The following MTUS1 variants were observed in gnomAD, a reference collection of about 807,000 sequenced individuals.
MTUS1 encodes microtubule-associated tumor suppressor 1.
A neutral mutation model predicts 120.8 loss-of-function variants in MTUS1; 109 were observed. The ratio of observed to expected loss-of-function variants is 0.90; its 90% CI spans 0.77 to 1.06. The LOEUF (loss-of-function observed/expected upper bound fraction) is 1.06. MTUS1 is among the 50% of genes least tolerant of loss of function. The probability of loss-of-function intolerance (pLI) is 0.00; values close to 1 mark genes in which losing one functional copy is unlikely to be tolerated. For missense variants in MTUS1, 2,210 were observed against 1,486.3 expected, an observed-to-expected ratio of 1.49 and a Z score of -8.01; for synonymous variants, 737 against 550.5, an observed-to-expected ratio of 1.34 and a Z score of -4.74.
chr8:17,732,668 G>C (rs1172898854), intron 3 of MTUS1, among the ~76,000 whole-genome samples: 1 of 152,048 alleles, frequency 6.6e-6, no homozygotes, highest in Non-Finnish European at 1.5e-5. Context: ...CTATGTAACT[G>C]AGTTTCAGAT....
chr8:17,644,202 G>A lies in MTUS1; in HGVS notation c.*1724C>T, dbSNP rs1805375082. 1 of 152,356 alleles carries A rather than the reference G, an allele frequency of 6.6e-6. No individual in the cohort carries two copies. The highest frequency in any genetic ancestry group is 2.4e-5 in the African/African-American group (1 of 41,450). The allele number at this position is 152,356 out of a possible 1,614,324, so 9.4% of individuals were successfully genotyped here. On this transcript the variant is annotated 3_prime_UTR_variant, in exon 15 of 15. Transcript: ENST00000693296. ...AGTGAACCTACATTTCCATTTATCA[G>A]AAGCAAACATGGAAGGTTACATACA...
rs2048484321 is a variant in MTUS1, at chr8:17,754,926, T to A, written c.882A>T (p.Pro294=). Residue 294 remains proline, a synonymous_variant, in exon 2 of 15, where the codon CCA becomes CCT. Transcript: ENST00000693296. ...VGEKETQALT[P]VSDGMEVPND... is the part of the protein sequence containing the mutation. Reference sequence around the variant, plus strand: ...TGGGGACTTCCATGCCATCAGAAACTGGTGTTAGTGCTTGTGTCTCCTTTT... The same window carrying A: ...TGGGGACTTCCATGCCATCAGAAACAGGTGTTAGTGCTTGTGTCTCCTTTT... 4 of 1,614,144 alleles carry A rather than the reference T, an allele frequency of 2.5e-6. No individual in the cohort carries two copies. The highest frequency in any genetic ancestry group is 3.4e-6 in the Non-Finnish European group (4 of 1,179,990).
At chr8:17,686,098 T>A (rs894082963) in intron 6 of MTUS1, among the ~76,000 whole-genome samples, 5 of 152,248 alleles carry the variant, frequency 3.3e-5, no homozygotes, top group Non-Finnish European at 4.4e-5. Flanking sequence ...CTCATCACAG[T>A]GTGCTCTCAC....
intron 1 of MTUS1, among the ~76,000 whole-genome samples, chr8:17,796,661 G>A (rs2052269096): frequency 6.6e-6 from 1 of 152,150 alleles, no homozygotes; most frequent in African/African-American, 2.4e-5. Context: ...CTAAGGCCAA[G>A]TGAGCAAGAA....
intron 6 of MTUS1, among the ~76,000 whole-genome samples, chr8:17,707,182 T>G (rs78978219): frequency 0.043 from 6,476 of 152,306 alleles, 162 homozygotes; most frequent in Middle Eastern, 0.065. Context: ...AAGGTGATTT[T>G]CAGTCACAGA....
At chr8:17,707,070 C>T (rs1349839030) in intron 6 of MTUS1, among the ~76,000 whole-genome samples, 2 of 152,094 alleles carry the variant, frequency 1.3e-5, no homozygotes, top group Admixed American at 1.3e-4. Context: ...CATAGTACAA[C>T]GATTAAAAAT....
Position 17,755,475 on chromosome 8 carries a change from A to G in MTUS1, c.333T>C (p.Thr111=). The G allele has an allele frequency of 1.2e-6, 2 of 1,614,230 alleles. No individual in the cohort carries two copies. Among genetic ancestry groups the G allele is most frequent in the Non-Finnish European group, 1.7e-6 (2 of 1,180,028 alleles). The change falls in exon 2 of 15, where the codon ACT becomes ACC. Residue 111 remains threonine (T), a synonymous_variant. Transcript: ENST00000693296. ...TGTGTTGCAGATATTTGGGCTTCTC[A>G]GTACCTACAAGTGCAGGACACTGAC... is the stretch of plus-strand genomic sequence containing the variant. ...SICQCPALVG[T]EKPKYLQHSC...
At chr8:17,749,941 T>G (rs1341963461) in intron 2 of MTUS1, among the ~76,000 whole-genome samples, 3 of 150,116 alleles carry the variant, frequency 2.0e-5, no homozygotes, top group Non-Finnish European at 4.4e-5. Flanking sequence ...ATTACAGAGT[T>G]TGACCCTTTT....
chr8:17,799,009 T>C (rs576109478), intron 1 of MTUS1, among the ~76,000 whole-genome samples: 1 of 105,328 alleles, frequency 9.5e-6, no homozygotes, highest in African/African-American at 3.4e-5. Flanking sequence ...CCTATAAACC[T>C]GGGAAGAATT....
chr8:17,778,269 C>G (rs1414964722), intron 1 of MTUS1, among the ~76,000 whole-genome samples: 1 of 152,124 alleles, frequency 6.6e-6, no homozygotes, highest in African/African-American at 2.4e-5. Context: ...AGACGTCACA[C>G]ACAAAAGTCT....
At chr8:17,756,604 T>C (rs940898712) in intron 1 of MTUS1, among the ~76,000 whole-genome samples, 2 of 151,676 alleles carry the variant, frequency 1.3e-5, no homozygotes, top group Non-Finnish European at 2.9e-5. Context: ...TCCCTTGAAA[T>C]GTGAGTTACC....
intron 8 of MTUS1, among the ~76,000 whole-genome samples, chr8:17,659,075 GA>G (rs1229381356): frequency 1.3e-5 from 2 of 152,154 alleles, no homozygotes; most frequent in Non-Finnish European, 2.9e-5. Flanking sequence ...TATAGATAAG[GA>G]AACCGCCACA....
rs11203881 is a variant in MTUS1, at chr8:17,645,696, G to A, written c.*230C>T. On this transcript the variant is annotated 3_prime_UTR_variant, in exon 15 of 15. Coordinates refer to ENST00000693296, the MANE Select transcript of MTUS1 (RefSeq NM_001363059.2). ...GTGCAACAACGTCCGTGTCGATGCC[G>A]AAATCTTTTTTTAAATCTTTTTTTG... is the stretch of plus-strand genomic sequence containing the variant. The A allele has an allele frequency of 0.051, 25,733 of 507,424 alleles. 1,298 individuals carry two copies. The highest frequency in any genetic ancestry group is 0.23 in the East Asian group (6,357 of 28,208). The allele number at this position is 507,424 out of a possible 1,614,324, so 31.4% of individuals were successfully genotyped here.
chr8:17,671,070 T>C (rs1328448980), intron 8 of MTUS1, among the ~76,000 whole-genome samples: 1 of 152,164 alleles, frequency 6.6e-6, no homozygotes, highest in Non-Finnish European at 1.5e-5. Context: ...ATGTAGGTTT[T>C]AGGAGTATAT....
chr8:17,731,436 A>C (rs2046572353), intron 3 of MTUS1, among the ~76,000 whole-genome samples: 2 of 152,218 alleles, frequency 1.3e-5, no homozygotes, highest in African/African-American at 4.8e-5. Flanking sequence ...TTAGAACAGC[A>C]TCTGGCACAA....
At chr8:17,649,420 T>C (rs76365857) in intron 13 of MTUS1, among the ~76,000 whole-genome samples, 9,720 of 152,260 alleles carry the variant, frequency 0.064, 409 homozygotes, top group Admixed American at 0.088. Flanking sequence ...ATAAATAGTA[T>C]TGCTATTCAT....
intron 4 of MTUS1, among the ~76,000 whole-genome samples, chr8:17,717,471 T>C (rs867733845): frequency 1.3e-5 from 2 of 152,360 alleles, no homozygotes; most frequent in Non-Finnish European, 2.9e-5. Flanking sequence ...GTCTTAACCA[T>C]GGAATTATAA....
intron 5 of MTUS1, among the ~76,000 whole-genome samples, chr8:17,714,706 C>A (rs906684711): frequency 5.9e-5 from 9 of 151,926 alleles, no homozygotes; most frequent in African/African-American, 1.9e-4. Flanking sequence ...CATATACATA[C>A]AGAGGAAAAA....
At chr8:17,710,765 T>TA (rs1194741325) in intron 6 of MTUS1, among the ~76,000 whole-genome samples, 1 of 152,166 alleles carries the variant, frequency 6.6e-6, no homozygotes, top group Non-Finnish European at 1.5e-5. Flanking sequence ...GCTACAGTCT[T>TA]ACACAATGTA....
Sources: gnomAD v4.1 joint callset for allele counts (sites outside exome capture counted in the v4.1 genomes callset) on GRCh38, gnomAD v4.1.1 for gene constraint, MANE v1.5 for transcripts, NCBI Gene and HGNC (gene_info 2026-07-23, HGNC 2026-07-21) for gene names.